The following SLC35D4 variants were observed in gnomAD, a reference collection of about 807,000 sequenced individuals.
SLC35D4 encodes UDP-N-acetylglucosamine transporter SLC35D4.
chr18:23,263,453 C>T, the SLC35D4 span, among the ~76,000 whole-genome samples: 2 of 152,178 alleles, frequency 1.3e-5, no homozygotes, highest in Admixed American at 1.3e-4. Context: ...GTCTGAGCCC[C>T]CTGGTAGAAC....
chr18:23,363,048 C>G, the SLC35D4 span, among the ~76,000 whole-genome samples: 1 of 151,926 alleles, frequency 6.6e-6, no homozygotes, highest in East Asian at 1.9e-4. Flanking sequence ...AGTTCCTGAC[C>G]AGACTGGCCA....
chr18:23,315,656 A>T, the SLC35D4 span, among the ~76,000 whole-genome samples: 5 of 152,236 alleles, frequency 3.3e-5, no homozygotes, highest in African/African-American at 1.2e-4. Flanking sequence ...ACTGGAACCA[A>T]GGACTTGAGA....
At chr18:23,313,156 A>AAAAAAAAAAAAAAAAAAAAAAAAAT in the SLC35D4 span, among the ~76,000 whole-genome samples, 5 of 146,626 alleles carry the variant, frequency 3.4e-5, 1 homozygote, top group Admixed American at 6.8e-5. Flanking sequence ...AAAAAAAAAA[A>AAAAAAAAAAAAAAAAAAAAAAAAAT]AGAACCTGAG....
the SLC35D4 span, among the ~76,000 whole-genome samples, chr18:23,265,633 T>G: frequency 6.6e-6 from 1 of 151,224 alleles, no homozygotes; most frequent in Non-Finnish European, 1.5e-5. Context: ...CAATGGGCAC[T>G]TCCCACCAGC....
chr18:23,408,728 AAC>A, the SLC35D4 span, among the ~76,000 whole-genome samples: 1 of 152,234 alleles, frequency 6.6e-6, no homozygotes, highest in Non-Finnish European at 1.5e-5. Context: ...TGCATTAAAA[AAC>A]ACACATATTT....
chr18:23,280,742 G>C, the SLC35D4 span, among the ~76,000 whole-genome samples: 1 of 151,874 alleles, frequency 6.6e-6, no homozygotes, highest in African/African-American at 2.4e-5. Flanking sequence ...AGACTGTTGT[G>C]CATAACAGAC....
At chr18:23,241,726 C>G in the SLC35D4 span, among the ~76,000 whole-genome samples, 1 of 151,978 alleles carries the variant, frequency 6.6e-6, no homozygotes, top group Non-Finnish European at 1.5e-5. Context: ...GTGATATTAA[C>G]CAGCCATGAT....
At chr18:23,396,696 G>A in the SLC35D4 span, among the ~76,000 whole-genome samples, 1 of 152,060 alleles carries the variant, frequency 6.6e-6, no homozygotes, top group African/African-American at 2.4e-5. Flanking sequence ...GGAGGATGAC[G>A]TGAGCCCAAG....
chr18:23,385,125 GGTTC>G, the SLC35D4 span: 1 of 1,518,738 alleles, frequency 6.6e-7, no homozygotes, highest in South Asian at 1.2e-5. Context: ...ATAATCATAT[GGTTC>G]TTGATTTTTT....
At chr18:23,308,341 A>C in the SLC35D4 span, among the ~76,000 whole-genome samples, 17 of 152,094 alleles carry the variant, frequency 1.1e-4, no homozygotes, top group African/African-American at 3.9e-4. Context: ...CTATTCCTGT[A>C]TCTCCACTCT....
At chr18:23,417,136 G>A in the SLC35D4 span, among the ~76,000 whole-genome samples, 1 of 152,020 alleles carries the variant, frequency 6.6e-6, no homozygotes, top group Non-Finnish European at 1.5e-5. Context: ...CAGTCACTTG[G>A]GAAACTGAGG....
the SLC35D4 span, among the ~76,000 whole-genome samples, chr18:23,253,272 C>A: frequency 6.6e-6 from 1 of 152,166 alleles, no homozygotes; most frequent in African/African-American, 2.4e-5. Context: ...CACCTGAGGT[C>A]AGGGGCTTGA....
chr18:23,349,797 AT>A, the SLC35D4 span, among the ~76,000 whole-genome samples: 78,981 of 151,958 alleles, frequency 0.52, 20,686 homozygotes, highest in South Asian at 0.59. Flanking sequence ...CAGTTCAGTT[AT>A]TGTACTTTTT....
chr18:23,247,654 C>T, the SLC35D4 span, among the ~76,000 whole-genome samples: 4 of 152,228 alleles, frequency 2.6e-5, no homozygotes, highest in African/African-American at 7.2e-5. Flanking sequence ...ACTGGGCCGC[C>T]GGGCACCATG....
the SLC35D4 span, among the ~76,000 whole-genome samples, chr18:23,323,817 G>A: frequency 2.6e-5 from 4 of 152,182 alleles, no homozygotes; most frequent in Admixed American, 1.3e-4. Flanking sequence ...GTTGGCTCAC[G>A]ACTGTAATCC....
the SLC35D4 span, chr18:23,258,481 T>C: frequency 6.6e-6 from 1 of 152,276 alleles, no homozygotes; most frequent in East Asian, 1.9e-4. Context: ...CCAGGGCTGT[T>C]CATGCAAGAT....
At chr18:23,307,159 C>CA in the SLC35D4 span, among the ~76,000 whole-genome samples, 1 of 152,214 alleles carries the variant, frequency 6.6e-6, no homozygotes, top group South Asian at 2.1e-4. Flanking sequence ...TGACGTCTGG[C>CA]AAGAGGAGTT....
chr18:23,413,847 G>A, the SLC35D4 span, among the ~76,000 whole-genome samples: 1 of 152,056 alleles, frequency 6.6e-6, no homozygotes, highest in Non-Finnish European at 1.5e-5. Flanking sequence ...GGGAGACTGA[G>A]GCGGGAGAAG....
chr18:23,409,734 C>T, the SLC35D4 span, among the ~76,000 whole-genome samples: 11 of 151,556 alleles, frequency 7.3e-5, no homozygotes, highest in Non-Finnish European at 1.5e-4. Context: ...GTCCCGGCTA[C>T]TTGGGAAGCT....
Sources: gnomAD v4.1 joint callset for allele counts (sites outside exome capture counted in the v4.1 genomes callset) on GRCh38, gnomAD v4.1.1 for gene constraint, MANE v1.5 for transcripts, NCBI Gene and HGNC (gene_info 2026-07-23, HGNC 2026-07-21) for gene names.